PPP1R9A: variants seen among roughly 807,000 people sequenced by gnomAD.
PPP1R9A encodes protein phosphatase 1 regulatory subunit 9A.
PPP1R9A carries 59 observed loss-of-function variants against 141.9 expected under a neutral mutation model. The observed-to-expected ratio is 0.42, with a 90% CI of 0.34 to 0.52. PPP1R9A has a LOEUF of 0.52. PPP1R9A is among the 20% of genes least tolerant of loss of function. PPP1R9A has a pLI of 0.10. For missense variants in PPP1R9A, 1,444 were observed against 1,611.9 expected (o/e 0.90, Z 1.78); for synonymous variants, 500 against 569.7 (o/e 0.88, Z 1.74).
chr7:95,269,454 A>G lies in PPP1R9A; in HGVS notation c.3071A>G (p.Glu1024Gly), dbSNP rs1305433062. Residue 1024 changes from glutamate to glycine, a missense_variant, in exon 14 of 20, where the codon GAA (glutamate) becomes GGA (glycine). Physicochemically the swap from Glu to Gly is moderately conservative, Grantham distance 98. Coordinates refer to ENST00000433360, the MANE Select transcript of PPP1R9A (RefSeq NM_001166160.2). ...ACTTCAAAGTCTGATCATGATGTGG[A>G]AGAATCTCCTTGCCATCACCAAACC... ...FSTSKSDHDV[E>G]ESPCHHQTTN... 6.3e-7 allele frequency: 1 copy of G among 1,590,620 alleles called. No homozygotes were observed. Among genetic ancestry groups the G allele is most frequent in the Non-Finnish European group, 8.5e-7 (1 of 1,173,094 alleles).
intron 2 of PPP1R9A, among the ~76,000 whole-genome samples, chr7:95,096,663 T>C (rs1818061584): frequency 1.3e-5 from 2 of 152,192 alleles, no homozygotes; most frequent in South Asian, 4.1e-4. Flanking sequence ...TCACAAAAAC[T>C]GTGTCCCAGA....
chr7:94,910,274 G>GC lies in PPP1R9A; in HGVS notation c.162dup (p.Arg55GlnfsTer13). ...AAAGAAGGTGAGGGCTCCCAGCAGA[G>GC]CAGGGGGAGGAAATATGGCTCCAAT... On this transcript the variant is annotated frameshift_variant, in exon 2 of 20. Coordinates refer to ENST00000433360, the MANE Select transcript of PPP1R9A (RefSeq NM_001166160.2). LOFTEE classifies it high-confidence loss of function. This position sits in a 1 kb window ranked among gnomAD's most constrained non-coding sequence, Gnocchi z 4.5. 6.2e-7 allele frequency: 1 copy of GC among 1,614,118 alleles called. No homozygotes were observed. Among genetic ancestry groups the GC allele is most frequent in the Middle Eastern group, 1.6e-4 (1 of 6,062 alleles).
Position 95,293,428 on chromosome 7 carries a change from T to G in PPP1R9A, c.*3125T>G, listed in dbSNP as rs1806627178. 1 of 152,166 alleles carries G rather than the reference T, an allele frequency of 6.6e-6. No individual in the cohort carries two copies. Among genetic ancestry groups the G allele is most frequent in the Non-Finnish European group, 1.5e-5 (1 of 68,032 alleles). 9.4% of individuals were successfully genotyped at this position (152,166 alleles called of 1,614,324 possible). ...AAAGCTGTTCTGTGGCTATCATCCT[T>G]TAGCTGGGATTGACAATTGATTTCA... On this transcript the variant is annotated 3_prime_UTR_variant, in exon 20 of 20. Transcript: ENST00000433360.
intron 2 of PPP1R9A, among the ~76,000 whole-genome samples, chr7:94,992,462 A>G (rs1801636849): frequency 6.6e-6 from 1 of 152,228 alleles, no homozygotes; most frequent in South Asian, 2.1e-4. Flanking sequence ...AAATTTTAAT[A>G]TAAACATGCA....
chr7:95,223,854 A>G (rs1046985947), intron 7 of PPP1R9A, among the ~76,000 whole-genome samples: 2 of 152,052 alleles, frequency 1.3e-5, no homozygotes, highest in Non-Finnish European at 2.9e-5. Context: ...TTATACCTCT[A>G]TATGAAAATT....
At chr7:94,919,300 C>CTTTTT (rs1562991267) in intron 2 of PPP1R9A, among the ~76,000 whole-genome samples, 1 of 120,174 alleles carries the variant, frequency 8.3e-6, no homozygotes. Flanking sequence ...TGGATAATTA[C>CTTTTT]ATTTTTTTTT....
intron 2 of PPP1R9A, among the ~76,000 whole-genome samples, chr7:94,958,224 C>T (rs1478947241): frequency 6.6e-6 from 1 of 152,070 alleles, no homozygotes; most frequent in African/African-American, 2.4e-5. Flanking sequence ...CACCTCCAAA[C>T]CACTTGCCTA....
intron 7 of PPP1R9A, among the ~76,000 whole-genome samples, chr7:95,224,067 T>C (rs569303198): frequency 6.6e-6 from 1 of 152,178 alleles, no homozygotes; most frequent in African/African-American, 2.4e-5. Context: ...ATTGTGCTAA[T>C]AAATAAGTAC....
chr7:95,012,900 A>G (rs1467703810), intron 2 of PPP1R9A, among the ~76,000 whole-genome samples: 3 of 152,164 alleles, frequency 2.0e-5, no homozygotes, highest in Admixed American at 6.6e-5. Context: ...CTAAATGGCA[A>G]TTTGTCTAGA....
At chr7:95,042,130 G>C (rs1584408462) in intron 2 of PPP1R9A, among the ~76,000 whole-genome samples, 1 of 152,132 alleles carries the variant, frequency 6.6e-6, no homozygotes, top group African/African-American at 2.4e-5. Flanking sequence ...ACTGCCCTCA[G>C]GGAGTTCCTA....
chr7:95,256,020 A>C (rs1425110865), intron 12 of PPP1R9A, among the ~76,000 whole-genome samples: 3 of 152,128 alleles, frequency 2.0e-5, no homozygotes, highest in Non-Finnish European at 4.4e-5. Context: ...CAGTGAGTGG[A>C]CCACCAGTTA....
chr7:95,096,826 A>T (rs1165585177), intron 2 of PPP1R9A, among the ~76,000 whole-genome samples: 1 of 152,020 alleles, frequency 6.6e-6, no homozygotes, highest in Non-Finnish European at 1.5e-5. Flanking sequence ...TGCCTTCCAC[A>T]CATACTACCC....
At chr7:95,234,629 A>G (rs191518127) in intron 8 of PPP1R9A, among the ~76,000 whole-genome samples, 2 of 152,252 alleles carry the variant, frequency 1.3e-5, no homozygotes, top group Admixed American at 6.5e-5. Flanking sequence ...ATTCCTTGCA[A>G]TTCCCATAAA....
intron 7 of PPP1R9A, among the ~76,000 whole-genome samples, chr7:95,221,121 A>G (rs777432390): frequency 5.9e-5 from 9 of 152,078 alleles, no homozygotes; most frequent in Non-Finnish European, 1.0e-4. Flanking sequence ...AGATGAGAAA[A>G]TCGTTAGCAT....
chr7:95,170,165 A>G (rs1029529661), intron 5 of PPP1R9A, among the ~76,000 whole-genome samples: 8 of 151,748 alleles, frequency 5.3e-5, no homozygotes, highest in Non-Finnish European at 1.2e-4. Context: ...ACATACTACA[A>G]TAGAAAGTAT....
chr7:95,140,167 G>A (rs557601851), intron 4 of PPP1R9A, among the ~76,000 whole-genome samples: 59 of 152,294 alleles, frequency 3.9e-4, no homozygotes, highest in African/African-American at 1.4e-3. Context: ...GGGGAGTGGA[G>A]CGTAAGCTAG....
At position 94,986,986 on chromosome 7, in the gene PPP1R9A, T is replaced by C. The variant is rs149408766; in HGVS notation, c.1395+75478T>C. Among the ~76,000 whole-genome samples the C allele has an allele frequency of 4.0e-3, 615 of 152,276 alleles. 4 individuals carry two copies. The highest frequency in any genetic ancestry group is 0.014 in the African/African-American group (571 of 41,576). On this transcript the variant is annotated intron_variant, in intron 2 of 19. Coordinates refer to ENST00000433360, the MANE Select transcript of PPP1R9A (RefSeq NM_001166160.2). ...AGCCTTTGGTGTGGAGCTGTTCTCT[T>C]GTCGGGGTATGGATTGGGCCACTTT...
intron 5 of PPP1R9A, 43 bp from the exon 6 acceptor site, chr7:95,198,306 G>A (rs1481493364): frequency 1.3e-6 from 2 of 1,528,566 alleles, no homozygotes; most frequent in East Asian, 2.3e-5. Flanking sequence ...ACTCCTTTTT[G>A]TTGGAGAGTC....
At chr7:94,936,651 G>GGTGTGT (rs35730484) in intron 2 of PPP1R9A, among the ~76,000 whole-genome samples, 19 of 82,232 alleles carry the variant, frequency 2.3e-4, no homozygotes, top group East Asian at 1.1e-3. Flanking sequence ...ACTGTGTAGG[G>GGTGTGT]GTGTGTGTGT....
Sources: gnomAD v4.1 joint callset for allele counts (sites outside exome capture counted in the v4.1 genomes callset) on GRCh38, gnomAD v4.1.1 for gene constraint, Gnocchi (gnomAD v3.1) non-coding constraint, MANE v1.5 for transcripts, NCBI Gene and HGNC (gene_info 2026-07-23, HGNC 2026-07-21) for gene names.